NSUN4: variants seen among roughly 807,000 people sequenced by gnomAD.
NSUN4 encodes NOP2/Sun RNA methyltransferase 4.
In NSUN4, 31 loss-of-function variants were observed where a neutral mutation model predicts 43.8. That is an observed-to-expected ratio of 0.71 (90% CI 0.53 to 0.96). The LOEUF is 0.96. NSUN4 is among the 40% of genes least tolerant of loss of function. The pLI, the probability that NSUN4 is intolerant of heterozygous loss-of-function variation, is 0.00. For synonymous variants in NSUN4, 167 were observed against 184.1 expected (o/e 0.91, Z 0.75); for missense variants, 439 against 475.6 (o/e 0.92, Z 0.72).
intron 4 of NSUN4, among the ~76,000 whole-genome samples, chr1:46,360,184 G>T (rs1283218583): frequency 7.7e-6 from 1 of 130,068 alleles, no homozygotes; most frequent in Non-Finnish European, 1.6e-5. Context: ...AGCCGAGATT[G>T]CGCCACTGCA....
At chr1:46,360,035 C>T (rs963180810) in intron 4 of NSUN4, among the ~76,000 whole-genome samples, 44 of 150,680 alleles carry the variant, frequency 2.9e-4, no homozygotes, top group African/African-American at 8.8e-4. Context: ...CGAGACCATC[C>T]TGGCTAGCAC....
chr1:46,342,673 A>G, intron 1 of NSUN4: 1 of 399,006 alleles, frequency 2.5e-6, no homozygotes, highest in Non-Finnish European at 4.4e-6. Context: ...CCCCTGGGCA[A>G]CCAGTTTATA....
At chr1:46,341,886 A>G (rs1429364514) in intron 1 of NSUN4, 1 of 1,232,854 alleles carries the variant, frequency 8.1e-7, no homozygotes, top group Non-Finnish European at 1.0e-6. Context: ...TGACCAGCAC[A>G]CTAATCTCTG....
the NSUN4 span, among the ~76,000 whole-genome samples, chr1:46,371,435 A>C: frequency 1.3e-5 from 2 of 151,616 alleles, no homozygotes; most frequent in South Asian, 4.2e-4. Flanking sequence ...CCTCCCGAGT[A>C]GCTGGGACTA....
chr1:46,352,842 C>T (rs1663101841), intron 3 of NSUN4, 26 bp from the exon 4 acceptor site: 1 of 1,610,926 alleles, frequency 6.2e-7, no homozygotes, highest in Non-Finnish European at 8.5e-7. Flanking sequence ...TGGGTCATGG[C>T]CTCTGAAGTA....
chr1:46,377,342 G>A, the NSUN4 span, among the ~76,000 whole-genome samples: 2 of 152,310 alleles, frequency 1.3e-5, no homozygotes, highest in African/African-American at 4.8e-5. Flanking sequence ...GAGCCACCAT[G>A]CCCAACCAGA....
the NSUN4 span, among the ~76,000 whole-genome samples, chr1:46,377,302 G>A: frequency 2.0e-5 from 3 of 152,086 alleles, no homozygotes; most frequent in South Asian, 6.2e-4. Context: ...CACCCGCCTT[G>A]GCCTCCTGAA....
chr1:46,348,709 C>CAAAAA (rs34999763), intron 3 of NSUN4, among the ~76,000 whole-genome samples: 1 of 52,138 alleles, frequency 1.9e-5, no homozygotes, highest in South Asian at 1.2e-3. Context: ...AACTCTGTCT[C>CAAAAA]AAAAAAAAAA....
chr1:46,374,156 C>T, the NSUN4 span, among the ~76,000 whole-genome samples: 2 of 151,642 alleles, frequency 1.3e-5, no homozygotes, highest in Non-Finnish European at 1.5e-5. Context: ...CGTGGTGACA[C>T]ATGCCTGTAA....
intron 3 of NSUN4, 71 bp from the exon 4 acceptor site, chr1:46,352,797 A>C: frequency 6.7e-7 from 1 of 1,482,052 alleles, no homozygotes; most frequent in Non-Finnish European, 9.3e-7. Context: ...AATTGGTCTG[A>C]CTCCATCAGC....
At chr1:46,354,679 A>G (rs1435181036) in intron 4 of NSUN4, among the ~76,000 whole-genome samples, 1 of 146,588 alleles carries the variant, frequency 6.8e-6, no homozygotes, top group East Asian at 2.1e-4. Context: ...TTTTTGAGAC[A>G]GTTTTGCTCT....
intron 4 of NSUN4, among the ~76,000 whole-genome samples, chr1:46,354,990 G>A (rs1026194188): frequency 2.6e-5 from 4 of 152,076 alleles, no homozygotes; most frequent in Admixed American, 2.0e-4. Context: ...TTCTTGATAT[G>A]AGAGCAGTGG....
the NSUN4 span, among the ~76,000 whole-genome samples, chr1:46,380,774 G>C: frequency 6.6e-6 from 1 of 152,100 alleles, no homozygotes; most frequent in Non-Finnish European, 1.5e-5. Flanking sequence ...CAGGCAGTCT[G>C]GTTCCTGAGC....
chr1:46,341,639 A>C, intron 1 of NSUN4: 1 of 1,190,874 alleles, frequency 8.4e-7, no homozygotes, highest in Non-Finnish European at 1.0e-6. Flanking sequence ...CACCTCCACC[A>C]TCTCTTCCAC....
At chr1:46,346,202 TTGA>T (rs1662482422) in intron 2 of NSUN4, among the ~76,000 whole-genome samples, 1 of 149,698 alleles carries the variant, frequency 6.7e-6, no homozygotes, top group African/African-American at 2.5e-5. Context: ...TTTAAGTGCC[TTGA>T]TGAACAAGCC....
At chr1:46,378,805 G>A in the NSUN4 span, among the ~76,000 whole-genome samples, 9 of 152,202 alleles carry the variant, frequency 5.9e-5, no homozygotes, top group Non-Finnish European at 1.0e-4. Flanking sequence ...TGTCTCGCCT[G>A]TGTAAGGGCC....
chr1:46,365,850 G>C (rs191931359), downstream of NSUN4, among the ~76,000 whole-genome samples: 5 of 152,088 alleles, frequency 3.3e-5, no homozygotes, highest in Non-Finnish European at 5.9e-5. Context: ...GTAGTGGGCC[G>C]GGCAGTGTGG....
At chr1:46,365,063 G>C (rs1569778234), downstream of NSUN4, 2 of 152,130 alleles carry the variant, frequency 1.3e-5, no homozygotes, top group South Asian at 4.1e-4. Flanking sequence ...ATTTGGTCTT[G>C]GAAAATTTTT....
rs112287894 is a variant in NSUN4, at chr1:46,344,290, G to A, written c.94-511G>A. On this transcript the variant is annotated intron_variant, in intron 1 of 5. Transcript: ENST00000474844. ...ATGGTGGTGCTAGTCACTGTGTGAC[G>A]CTAGGTAAGTTACCCACATCTCTTC... is the stretch of plus-strand genomic sequence containing the variant. 6.1e-3 allele frequency: 970 copies of A among 159,280 alleles called. 13 individuals carry two copies. Among genetic ancestry groups the A allele is most frequent in the African/African-American group, 0.022 (906 of 41,834 alleles). 9.9% of individuals were successfully genotyped at this position (159,280 alleles called of 1,614,324 possible). A position where few individuals can be genotyped will look rare whatever the true frequency, so the allele number is the denominator to read the frequency against.
Sources: gnomAD v4.1 joint callset for allele counts (sites outside exome capture counted in the v4.1 genomes callset) on GRCh38, gnomAD v4.1.1 for gene constraint, MANE v1.5 for transcripts, NCBI Gene and HGNC (gene_info 2026-07-23, HGNC 2026-07-21) for gene names.